The following EPHA6 variants were observed in gnomAD, a reference collection of about 807,000 sequenced individuals.
The protein encoded by EPHA6 is EPH receptor A6, also known as ephrin type-A receptor 6.
EPHA6 carries 50 observed loss-of-function variants against 112.0 expected under a neutral mutation model. That is an observed-to-expected ratio of 0.45 (90% CI 0.36 to 0.56). EPHA6 has a LOEUF of 0.56. Ranked by LOEUF, EPHA6 falls within the 20% of genes least tolerant of loss-of-function variation. The pLI, the probability that EPHA6 is intolerant of heterozygous loss-of-function variation, is 0.00. For missense variants in EPHA6, 1,280 were observed against 1,417.4 expected, an observed-to-expected ratio of 0.90 and a Z score of 1.56; for synonymous variants, 529 against 490.7, an observed-to-expected ratio of 1.08 and a Z score of -1.03.
intron 3 of EPHA6, among the ~76,000 whole-genome samples, chr3:97,160,505 C>G (rs1039311299): frequency 6.6e-6 from 1 of 151,980 alleles, no homozygotes; most frequent in African/African-American, 2.4e-5. Context: ...GTTTCGAACT[C>G]CTGACCTCAA....
intron 3 of EPHA6, among the ~76,000 whole-genome samples, chr3:97,105,571 T>C (rs1043902071): frequency 2.0e-5 from 3 of 152,110 alleles, no homozygotes; most frequent in Admixed American, 6.6e-5. Context: ...TTCTGTCTGA[T>C]TGTGTGATCA....
chr3:97,338,112 T>C (rs534844899), intron 5 of EPHA6, among the ~76,000 whole-genome samples: 13 of 151,734 alleles, frequency 8.6e-5, no homozygotes, highest in Non-Finnish European at 1.6e-4. Flanking sequence ...GTGTGTGTTT[T>C]CCACAAACAA....
At chr3:97,141,379 G>T in intron 3 of EPHA6, among the ~76,000 whole-genome samples, 1 of 152,082 alleles carries the variant, frequency 6.6e-6, no homozygotes, top group South Asian at 2.1e-4. Flanking sequence ...CAGAATATAC[G>T]TTTTTCTCAC....
At chr3:97,546,549 T>C (rs549316699) in intron 11 of EPHA6, among the ~76,000 whole-genome samples, 1 of 152,254 alleles carries the variant, frequency 6.6e-6, no homozygotes, top group East Asian at 1.9e-4. Context: ...TGTCTTGGGG[T>C]TGCTCTTCTC....
intron 3 of EPHA6, among the ~76,000 whole-genome samples, chr3:97,125,122 A>T (rs542713300): frequency 1.3e-5 from 2 of 151,480 alleles, no homozygotes; most frequent in South Asian, 4.1e-4. Context: ...GGGCTATCAG[A>T]TTTAAAGACA....
intron 6 of EPHA6, among the ~76,000 whole-genome samples, chr3:97,414,178 T>C (rs1051649844): frequency 2.0e-5 from 3 of 152,064 alleles, no homozygotes; most frequent in Non-Finnish European, 2.9e-5. Context: ...AGTTTTGAAA[T>C]AGGAAAATTA....
intron 1 of EPHA6, among the ~76,000 whole-genome samples, chr3:96,827,219 G>A (rs1267623370): frequency 6.6e-6 from 1 of 152,098 alleles, no homozygotes. Flanking sequence ...CCAGCTCTGA[G>A]AAAGTTTTTC....
At chr3:96,969,737 G>T (rs1436487657) in intron 2 of EPHA6, among the ~76,000 whole-genome samples, 1 of 151,848 alleles carries the variant, frequency 6.6e-6, no homozygotes, top group Non-Finnish European at 1.5e-5. Context: ...ATATTTTCTT[G>T]TCATGGTCAC....
chr3:96,864,459 A>G (rs992845573), intron 1 of EPHA6, among the ~76,000 whole-genome samples: 1 of 152,102 alleles, frequency 6.6e-6, no homozygotes, highest in Non-Finnish European at 1.5e-5. Context: ...GCTACATGCT[A>G]TATGATTTCA....
chr3:97,711,453 A>G (rs2033965040), intron 14 of EPHA6, among the ~76,000 whole-genome samples: 1 of 152,048 alleles, frequency 6.6e-6, no homozygotes, highest in African/African-American at 2.4e-5. Flanking sequence ...TCCCGTGATT[A>G]TGGAGGCTGA....
intron 11 of EPHA6, among the ~76,000 whole-genome samples, chr3:97,576,375 T>G (rs1268208338): frequency 6.6e-6 from 1 of 152,160 alleles, no homozygotes; most frequent in African/African-American, 2.4e-5. Flanking sequence ...ATCAATGTCA[T>G]CCACTAAAGA....
chr3:96,825,665 A>G (rs2033610589), intron 1 of EPHA6, among the ~76,000 whole-genome samples: 2 of 151,894 alleles, frequency 1.3e-5, no homozygotes, highest in Non-Finnish European at 2.9e-5. Flanking sequence ...AAGCACATAG[A>G]ATTAGAAATT....
At chr3:97,448,859 C>T (rs2090436365) in intron 7 of EPHA6, 129 bp downstream of exon 7, 1 of 769,626 alleles carries the variant, frequency 1.3e-6, no homozygotes, top group South Asian at 1.7e-5. Context: ...CATGTAAATA[C>T]TCATACAGTC....
intron 10 of EPHA6, among the ~76,000 whole-genome samples, chr3:97,488,911 G>A (rs901979672): frequency 2.0e-5 from 3 of 152,164 alleles, no homozygotes; most frequent in African/African-American, 7.2e-5. Flanking sequence ...ATCAAATGAT[G>A]TAATAAAAGA....
intron 2 of EPHA6, among the ~76,000 whole-genome samples, chr3:96,944,613 C>A (rs1008944564): frequency 6.6e-6 from 1 of 152,286 alleles, no homozygotes; most frequent in Admixed American, 6.5e-5. Flanking sequence ...AATCCCAGCA[C>A]TTTGGGTGGC....
intron 2 of EPHA6, among the ~76,000 whole-genome samples, chr3:96,888,740 A>T (rs1292524733): frequency 2.6e-5 from 4 of 151,558 alleles, no homozygotes; most frequent in Admixed American, 6.6e-5. Flanking sequence ...TGCTGTAAAG[A>T]CCCCTGACAT....
intron 14 of EPHA6, among the ~76,000 whole-genome samples, chr3:97,675,999 A>G (rs1465978198): frequency 1.3e-5 from 2 of 152,162 alleles, no homozygotes; most frequent in Non-Finnish European, 2.9e-5. Flanking sequence ...TCTGAAATGG[A>G]AGAATGCAGG....
In EPHA6 at chr3:96,995,682, C is replaced by A. The variant is rs1189730420; in HGVS notation, c.1114+7689C>A. 2.0e-5 allele frequency among the ~76,000 whole-genome samples: 3 copies of A among 152,112 alleles called. No homozygotes were observed. The East Asian group carries it at 5.8e-4, about 29-fold the overall frequency. On this transcript the variant is annotated intron_variant, in intron 3 of 17. Coordinates refer to ENST00000389672, the MANE Select transcript of EPHA6 (RefSeq NM_001080448.3). ...CCAGTGAATATAAAAGTTATATTTA[C>A]ACTATTATTGTCTATTAGGTTTACA...
At chr3:97,616,149 T>TGGTG (rs2107482292) in intron 13 of EPHA6, among the ~76,000 whole-genome samples, 1 of 152,250 alleles carries the variant, frequency 6.6e-6, no homozygotes, top group South Asian at 2.1e-4. Flanking sequence ...GAGCCTTCAC[T>TGGTG]GGTGATACCT....
Sources: gnomAD v4.1 joint callset for allele counts (sites outside exome capture counted in the v4.1 genomes callset) on GRCh38, gnomAD v4.1.1 for gene constraint, MANE v1.5 for transcripts, NCBI Gene and HGNC (gene_info 2026-07-23, HGNC 2026-07-21) for gene names.